CUX1: variants seen among roughly 807,000 people sequenced by gnomAD.
CUX1 encodes the protein protein CASP.
In CUX1, 31 loss-of-function variants were observed where a neutral mutation model predicts 158.8. The ratio of observed to expected loss-of-function variants is 0.20; its 90% CI spans 0.15 to 0.26. CUX1 has a LOEUF of 0.26. Ranked by LOEUF, CUX1 falls within the 10% of genes least tolerant of loss-of-function variation. The pLI is 1.00. For synonymous variants in CUX1, 879 were observed against 862.1 expected (o/e 1.02, Z -0.34); for missense variants, 1,589 against 2,014.6 (o/e 0.79, Z 4.04).
chr7:102,178,723 C>T (rs1792682913), intron 11 of CUX1, 66 bp downstream of exon 11: 1 of 1,473,142 alleles, frequency 6.8e-7, no homozygotes, highest in Non-Finnish European at 9.2e-7. Flanking sequence ...CACACGCGCA[C>T]ACACACACCC....
chr7:102,154,320 A>G (rs573396684), intron 8 of CUX1: 2 of 152,268 alleles, frequency 1.3e-5, no homozygotes, highest in South Asian at 4.2e-4. Flanking sequence ...AAGAGGAAGT[A>G]GAAAATAGTT....
chr7:102,200,487 C>CCT (rs1361025153), intron 17 of CUX1, among the ~76,000 whole-genome samples: 1 of 152,094 alleles, frequency 6.6e-6, no homozygotes, highest in Non-Finnish European at 1.5e-5. Context: ...GGACTATAGA[C>CCT]ATGTGCCACC....
rs183596127 is a variant in CUX1 at position 102,013,210 on chromosome 7, T to G, written c.142-14888T>G. ...CTGTCTTGTGTGGCTGAGACGTAGA[T>G]CAAGAGAAATTTGTAAGAAAGACAA... On this transcript the variant is annotated intron_variant, in intron 2 of 23. Transcript: ENST00000292535. 5.8e-3 allele frequency among the ~76,000 whole-genome samples: 871 copies of G among 151,076 alleles called. 14 individuals are homozygous for G. Among genetic ancestry groups the G allele is most frequent in the African/African-American group, 0.021 (846 of 41,164 alleles).
chr7:102,121,106 C>G (rs1554493312), intron 8 of CUX1, among the ~76,000 whole-genome samples: 1 of 152,038 alleles, frequency 6.6e-6, no homozygotes, highest in African/African-American at 2.4e-5. Context: ...GAGGAGGATA[C>G]CAGCAGTTCA....
chr7:101,830,343 C>T (rs577314016), intron 1 of CUX1, among the ~76,000 whole-genome samples: 91 of 152,190 alleles, frequency 6.0e-4, no homozygotes, highest in Non-Finnish European at 9.7e-4. Context: ...TACCAGTGGC[C>T]GACTGGCCTG....
At chr7:101,878,466 G>GGGGGA (rs923469764) in intron 1 of CUX1, among the ~76,000 whole-genome samples, 23 of 152,176 alleles carry the variant, frequency 1.5e-4, no homozygotes, top group African/African-American at 5.6e-4. Context: ...GGGCCAAGTT[G>GGGGGA]GGGGAATGTC....
At chr7:101,908,970 G>A (rs766997097) in intron 1 of CUX1, among the ~76,000 whole-genome samples, 14 of 152,188 alleles carry the variant, frequency 9.2e-5, no homozygotes, top group Non-Finnish European at 1.9e-4. Context: ...ACACTTTAAA[G>A]ATGAGCAAAT....
intron 2 of CUX1, among the ~76,000 whole-genome samples, chr7:101,982,546 C>G (rs1813573406): frequency 6.6e-6 from 1 of 152,082 alleles, no homozygotes. Context: ...CATGCCTCAG[C>G]CTCCTGAGTA....
chr7:102,072,594 G>A (rs953429902), intron 4 of CUX1, among the ~76,000 whole-genome samples: 3 of 152,214 alleles, frequency 2.0e-5, no homozygotes, highest in Non-Finnish European at 4.4e-5. Context: ...CATCTGCAGG[G>A]CAGAAAAGGT....
chr7:102,202,952 A>T (rs1232958415), intron 18 of CUX1, among the ~76,000 whole-genome samples: 1 of 151,968 alleles, frequency 6.6e-6, no homozygotes, highest in Non-Finnish European at 1.5e-5. Flanking sequence ...AATAAACATC[A>T]TGTCCTAGTA....
intron 2 of CUX1, among the ~76,000 whole-genome samples, chr7:101,982,007 G>C (rs115073051): frequency 6.6e-6 from 1 of 152,218 alleles, no homozygotes; most frequent in Admixed American, 6.5e-5. Flanking sequence ...TCACCAAGAT[G>C]GCCTAAAATA....
At position 102,237,892 on chromosome 7, in the gene CUX1, C is replaced by T. The variant is rs1335891559; in HGVS notation, c.3623-1428C>T. 4.2e-5 allele frequency among the ~76,000 whole-genome samples: 5 copies of T among 119,750 alleles called. No homozygotes were observed. In the South Asian group the frequency reaches 9.7e-4, roughly 23 times the overall value. The allele number at this position is 119,750 out of a possible 152,430, so 78.6% of individuals were successfully genotyped here. The stretch of plus-strand genomic sequence containing the variant: ...ATCATAGGTAAGGCCACGTGGGTCA[C>T]ATGTCCACTGGACAGGGGGCCCTTC... On this transcript the variant is annotated intron_variant, in intron 22 of 23. Coordinates refer to ENST00000292535, the MANE Select transcript of CUX1 (RefSeq NM_181552.4).
intron 2 of CUX1, among the ~76,000 whole-genome samples, chr7:101,979,156 TC>T (rs1813096419): frequency 6.6e-6 from 1 of 152,092 alleles, no homozygotes; most frequent in Non-Finnish European, 1.5e-5. Context: ...TGTTGACCAC[TC>T]AGAAAACCTT....
intron 2 of CUX1, among the ~76,000 whole-genome samples, chr7:101,937,900 T>C (rs1322916762): frequency 6.6e-6 from 1 of 152,168 alleles, no homozygotes; most frequent in Non-Finnish European, 1.5e-5. Context: ...CACCAAAGAT[T>C]TTTATAAATC....
At chr7:101,879,527 G>C (rs1162903324) in intron 1 of CUX1, among the ~76,000 whole-genome samples, 1 of 152,124 alleles carries the variant, frequency 6.6e-6, no homozygotes, top group Non-Finnish European at 1.5e-5. Flanking sequence ...GCCCCTCTCT[G>C]TGGTTGAGGC....
rs373486958 is a variant in CUX1, at chr7:102,273,341, C to T, written c.1256-25C>T. On this transcript the variant is annotated intron_variant, in intron 14 of 22. Coordinates refer to the CUX1 transcript ENST00000292538. ...AAGGGTCCCACCAGGCTCCCTCTGA[C>T]GGCCATGTCTTCCTTTGGCCACAGG... 43 of 1,607,366 alleles carry T rather than the reference C, an allele frequency of 2.7e-5. 1 individual carries two copies. The highest frequency in any genetic ancestry group is 8.0e-5 in the African/African-American group (6 of 74,836).
chr7:102,120,242 G>A (rs1400299942), intron 8 of CUX1, among the ~76,000 whole-genome samples: 1 of 121,814 alleles, frequency 8.2e-6, no homozygotes, highest in Non-Finnish European at 1.9e-5. Flanking sequence ...CATTTTTGCT[G>A]AAGTCCACGA....
intron 21 of CUX1, among the ~76,000 whole-genome samples, chr7:102,233,731 G>A (rs930389218): frequency 6.6e-6 from 1 of 152,248 alleles, no homozygotes; most frequent in Non-Finnish European, 1.5e-5. Flanking sequence ...AGGTTGCAGT[G>A]AGCCAAGATT....
At chr7:101,835,243 T>G (rs1794497862) in intron 1 of CUX1, among the ~76,000 whole-genome samples, 1 of 152,146 alleles carries the variant, frequency 6.6e-6, no homozygotes, top group Non-Finnish European at 1.5e-5. Flanking sequence ...GAATCATGGA[T>G]TACGTGACCT....
Sources: gnomAD v4.1 joint callset for allele counts (sites outside exome capture counted in the v4.1 genomes callset) on GRCh38, gnomAD v4.1.1 for gene constraint, MANE v1.5 for transcripts, NCBI Gene and HGNC (gene_info 2026-07-23, HGNC 2026-07-21) for gene names.